The following RGS8 variants were observed in gnomAD, a reference collection of about 807,000 sequenced individuals.
The protein encoded by RGS8 is regulator of G protein signaling 8.
RGS8 carries 8 observed loss-of-function variants against 21.7 expected under a neutral mutation model. The ratio of observed to expected loss-of-function variants is 0.37; its 90% CI spans 0.22 to 0.66. The LOEUF (loss-of-function observed/expected upper bound fraction) is 0.66, where lower values mean the gene tolerates loss of function less well. Ranked by LOEUF, RGS8 falls within the 30% of genes least tolerant of loss-of-function variation. The pLI, the probability that RGS8 is intolerant of heterozygous loss-of-function variation, is 0.59. For missense variants in RGS8, 157 were observed against 217.9 expected (o/e 0.72, Z 1.76); for synonymous variants, 80 against 83.6 (o/e 0.96, Z 0.24).
the RGS8 span, among the ~76,000 whole-genome samples, chr1:182,692,740 C>T: frequency 2.4e-4 from 36 of 149,450 alleles, no homozygotes; most frequent in African/African-American, 3.7e-4. Flanking sequence ...TGTACAAGGC[C>T]GCAGTAAATA....
the RGS8 span, among the ~76,000 whole-genome samples, chr1:182,740,102 C>G: frequency 2.0e-5 from 3 of 152,152 alleles, no homozygotes; most frequent in Non-Finnish European, 4.4e-5. Context: ...CCCTTAATTC[C>G]AATGCAGAAT....
chr1:182,709,337 C>T, the RGS8 span, among the ~76,000 whole-genome samples: 1 of 152,172 alleles, frequency 6.6e-6, no homozygotes, highest in Non-Finnish European at 1.5e-5. Context: ...GAAGTGCACA[C>T]ACACATGTAT....
chr1:182,695,752 T>C, the RGS8 span, among the ~76,000 whole-genome samples: 1 of 152,236 alleles, frequency 6.6e-6, no homozygotes, highest in South Asian at 2.1e-4. Context: ...AGCCATTTCT[T>C]AGTGCATACC....
chr1:182,661,930 G>A (rs1466047992), intron 5 of RGS8, among the ~76,000 whole-genome samples: 3 of 151,786 alleles, frequency 2.0e-5, no homozygotes, highest in Non-Finnish European at 4.4e-5. Context: ...ACAAATTAAT[G>A]CACATTAGAA....
chr1:182,705,860 G>T, the RGS8 span, among the ~76,000 whole-genome samples: 3 of 152,192 alleles, frequency 2.0e-5, no homozygotes, highest in African/African-American at 7.2e-5. Flanking sequence ...TTCTATAAAT[G>T]AAGAATTTTA....
chr1:182,710,880 T>A, the RGS8 span, among the ~76,000 whole-genome samples: 3 of 152,242 alleles, frequency 2.0e-5, no homozygotes, highest in African/African-American at 7.2e-5. Flanking sequence ...GCATTTTTCA[T>A]GTTCATGGAG....
the RGS8 span, among the ~76,000 whole-genome samples, chr1:182,737,466 G>T: frequency 6.6e-6 from 1 of 152,004 alleles, no homozygotes; most frequent in African/African-American, 2.4e-5. Flanking sequence ...GTTGAATCAT[G>T]GGGGCAGGTT....
At chr1:182,682,906 C>A (rs963741025) in intron 1 of RGS8, among the ~76,000 whole-genome samples, 4 of 152,226 alleles carry the variant, frequency 2.6e-5, no homozygotes, top group African/African-American at 9.7e-5. Context: ...GACTAAGGAA[C>A]CATGTTCTCC....
the RGS8 span, among the ~76,000 whole-genome samples, chr1:182,707,702 G>GT: frequency 6.6e-6 from 1 of 152,038 alleles, no homozygotes; most frequent in African/African-American, 2.4e-5. Context: ...ATTTTTGTTT[G>GT]TTTGTTTTGT....
chr1:182,652,737 T>G (rs538969929), intron 5 of RGS8, among the ~76,000 whole-genome samples: 63 of 152,112 alleles, frequency 4.1e-4, no homozygotes, highest in African/African-American at 1.5e-3. Context: ...ATAAGTTACA[T>G]GATAGAGAAA....
At chr1:182,666,002 C>A in exon 5 of RGS8, 1 of 1,613,910 alleles carries the variant, frequency 6.2e-7, no homozygotes, top group East Asian at 2.2e-5. Context: ...AAGGAATCTG[C>A]CCACCTCGTA....
chr1:182,738,981 G>C, the RGS8 span, among the ~76,000 whole-genome samples: 2 of 152,200 alleles, frequency 1.3e-5, no homozygotes, highest in Non-Finnish European at 2.9e-5. Flanking sequence ...TTCATACAAG[G>C]TTAGATCTGT....
chr1:182,692,018 T>G, the RGS8 span, among the ~76,000 whole-genome samples: 1 of 151,708 alleles, frequency 6.6e-6, no homozygotes, highest in African/African-American at 2.4e-5. Context: ...TTTTTTTTTT[T>G]TTTTTGAGAT....
chr1:182,721,057 A>C, the RGS8 span, among the ~76,000 whole-genome samples: 1 of 103,790 alleles, frequency 9.6e-6, no homozygotes, highest in Non-Finnish European at 1.9e-5. Context: ...ATACATATAT[A>C]TGTGTGTATA....
At chr1:182,678,220 T>C (rs1045871799) in intron 1 of RGS8, among the ~76,000 whole-genome samples, 2 of 152,198 alleles carry the variant, frequency 1.3e-5, no homozygotes, top group Non-Finnish European at 2.9e-5. Flanking sequence ...GGTGGGAAGC[T>C]GGGTGGTAGG....
exon 7 of RGS8, chr1:182,646,678 A>T (rs1662715824): frequency 6.7e-7 from 1 of 1,486,726 alleles, no homozygotes; most frequent in African/African-American, 1.4e-5. Flanking sequence ...TTAGAATATG[A>T]TCTTGGCAGC....
chr1:182,652,623 A>G (rs1663075821), intron 5 of RGS8, among the ~76,000 whole-genome samples: 3 of 152,254 alleles, frequency 2.0e-5, no homozygotes, highest in Admixed American at 2.0e-4. Context: ...GACTCAGGCT[A>G]TGCTATGTGC....
intron 5 of RGS8, among the ~76,000 whole-genome samples, chr1:182,663,371 C>A (rs1320658923): frequency 6.6e-6 from 1 of 152,164 alleles, no homozygotes; most frequent in Non-Finnish European, 1.5e-5. Flanking sequence ...TGAATAAAGA[C>A]CCTTTCTTTT....
chr1:182,706,042 T>C, the RGS8 span, among the ~76,000 whole-genome samples: 1 of 152,172 alleles, frequency 6.6e-6, no homozygotes, highest in East Asian at 1.9e-4. Flanking sequence ...AAGTGCACTG[T>C]CACCATCTCG....
Sources: allele counts gnomAD v4.1 joint callset (sites outside exome capture counted in the v4.1 genomes callset), GRCh38; gene constraint gnomAD v4.1.1; transcripts MANE v1.5; gene names NCBI Gene and HGNC (gene_info 2026-07-23, HGNC 2026-07-21).